PACRGL: variants seen among roughly 807,000 people sequenced by gnomAD.
The protein encoded by PACRGL is PACRG-like protein.
A neutral mutation model predicts 34.5 loss-of-function variants in PACRGL; 38 were observed. The observed-to-expected ratio is 1.10, with a 90% CI of 0.85 to 1.44. The LOEUF is 1.44. Ranked by LOEUF, PACRGL falls within the 40% of genes most tolerant of loss-of-function variation. The probability of loss-of-function intolerance (pLI) is 0.00; values close to 1 mark genes in which losing one functional copy is unlikely to be tolerated. For synonymous variants in PACRGL, 128 were observed against 100.1 expected, an observed-to-expected ratio of 1.28 and a Z score of -1.66; for missense variants, 305 against 281.4, an observed-to-expected ratio of 1.08 and a Z score of -0.60.
intron 7 of PACRGL, among the ~76,000 whole-genome samples, chr4:20,719,230 T>C (rs981079465): frequency 2.6e-5 from 4 of 152,198 alleles, no homozygotes; most frequent in African/African-American, 9.6e-5. Context: ...TTTACTTTAT[T>C]AGTCTTGCTA....
chr4:20,730,065 A>G lies in PACRGL; in HGVS notation c.*2724A>G, dbSNP rs12643980. 4,335 of 1,605,020 alleles carry G rather than the reference A, an allele frequency of 2.7e-3. 109 individuals are homozygous for G. The South Asian group carries it at 0.037, about 14-fold the overall frequency. On this transcript the variant is annotated 3_prime_UTR_variant, in exon 9 of 9. Coordinates refer to ENST00000503585, the MANE Select transcript of PACRGL (RefSeq NM_001258345.3). ...TAGTTCACATTTGTCTGTTGGATTC[A>G]GGATCTATTTGACAAGTTAAATCAC... is the stretch of plus-strand genomic sequence containing the variant.
At chr4:20,738,817 G>A (rs1750332408) in intron 8 of PACRGL, among the ~76,000 whole-genome samples, 1 of 152,168 alleles carries the variant, frequency 6.6e-6, no homozygotes, top group Non-Finnish European at 1.5e-5. Context: ...AGCGCAAGGG[G>A]TTGGGGAATT....
In PACRGL at chr4:20,731,816, G is replaced by A; in HGVS notation, c.*4475G>A. ...GTTTCCTCCATAGCCTGACTCAGTG[G>A]GCACTCTAAATGTTGATTATGTAAT... On this transcript the variant is annotated 3_prime_UTR_variant, in exon 9 of 9. Transcript: ENST00000503585. 2.0e-6 allele frequency: 2 copies of A among 985,296 alleles called. No homozygotes were observed. The highest frequency in any genetic ancestry group is 1.7e-5 in the African/African-American group (1 of 57,304). The allele number at this position is 985,296 out of a possible 1,614,324, so 61.0% of individuals were successfully genotyped here. A position where few individuals can be genotyped will look rare whatever the true frequency, so the allele number is the denominator to read the frequency against.
chr4:20,709,065 G>T (rs1280741758), intron 4 of PACRGL, among the ~76,000 whole-genome samples: 1 of 152,162 alleles, frequency 6.6e-6, no homozygotes, highest in East Asian at 1.9e-4. Flanking sequence ...CTTGAACCTG[G>T]GAGGCGGAGG....
chr4:20,754,584 A>T (rs1345586471), downstream of PACRGL, among the ~76,000 whole-genome samples: 1 of 152,248 alleles, frequency 6.6e-6, no homozygotes, highest in African/African-American at 2.4e-5. Context: ...AAAGCAAATC[A>T]TAATTCTTTA....
the PACRGL span, chr4:20,758,845 A>G: frequency 6.2e-7 from 1 of 1,613,350 alleles, no homozygotes. Flanking sequence ...AACTGCGAGT[A>G]AATCTCTTTG....
downstream of PACRGL, among the ~76,000 whole-genome samples, chr4:20,734,368 A>G (rs575149910): frequency 3.3e-5 from 5 of 152,298 alleles, no homozygotes; most frequent in East Asian, 9.7e-4. Flanking sequence ...TCCAACCATG[A>G]TCTTTATTCC....
chr4:20,755,515 C>T (rs925145391), downstream of PACRGL, among the ~76,000 whole-genome samples: 3 of 152,172 alleles, frequency 2.0e-5, no homozygotes, highest in Non-Finnish European at 4.4e-5. Flanking sequence ...TGTCCCATGA[C>T]CTGTGGATAC....
intron 7 of PACRGL, among the ~76,000 whole-genome samples, chr4:20,724,288 T>C (rs997884041): frequency 1.3e-5 from 2 of 152,164 alleles, no homozygotes; most frequent in African/African-American, 4.8e-5. Context: ...CTGAGGCTGA[T>C]GGCCCATGGA....
rs147501673 is a variant in PACRGL at position 20,739,208 on chromosome 4, C to A, written c.*56+11811C>A. Among the ~76,000 whole-genome samples the A allele has an allele frequency of 2.1e-4, 32 of 152,334 alleles. No individual in the cohort carries two copies. In the East Asian group the frequency reaches 5.6e-3, roughly 27 times the overall value. ...CAGAAACTTCTGCAGACTTAAACATCCCTGTCTGACAGCTTTGAAGAGAGT... is the reference window on the plus strand; with the variant it reads ...CAGAAACTTCTGCAGACTTAAACATACCTGTCTGACAGCTTTGAAGAGAGT... On this transcript the variant is annotated intron_variant, in intron 8 of 8. Coordinates refer to the PACRGL transcript ENST00000507634.
At chr4:20,712,976 G>T in intron 6 of PACRGL, 54 bp downstream of exon 6, 1 of 1,416,656 alleles carries the variant, frequency 7.1e-7, no homozygotes, top group Non-Finnish European at 9.4e-7. Flanking sequence ...AGAAAAGAAA[G>T]CTGTAATATA....
chr4:20,755,635 G>A (rs1377008770), downstream of PACRGL, among the ~76,000 whole-genome samples: 1 of 152,160 alleles, frequency 6.6e-6, no homozygotes, highest in East Asian at 1.9e-4. Context: ...ATTGTCTCGA[G>A]TGCCGAAAAG....
intron 1 of PACRGL, chr4:20,701,436 C>A (rs1732140813): frequency 6.3e-6 from 1 of 159,114 alleles, no homozygotes; most frequent in Non-Finnish European, 1.4e-5. Context: ...ATTCTAATAT[C>A]TATAATTAGA....
At chr4:20,732,888 T>G (rs1254370099), downstream of PACRGL, 1 of 694,398 alleles carries the variant, frequency 1.4e-6, no homozygotes, top group East Asian at 2.8e-5. Flanking sequence ...ATTTTTGACT[T>G]TTTGTTTGTT....
intron 4 of PACRGL, among the ~76,000 whole-genome samples, chr4:20,708,308 T>G (rs961774284): frequency 6.6e-6 from 1 of 152,042 alleles, no homozygotes; most frequent in African/African-American, 2.4e-5. Context: ...ATGTCAGAAC[T>G]TTAAAAAAAA....
chr4:20,713,285 C>A, intron 6 of PACRGL, 147 bp from the exon 7 acceptor site: 1 of 632,048 alleles, frequency 1.6e-6, no homozygotes, highest in Non-Finnish European at 2.7e-6. Context: ...TTTTAAAATT[C>A]TAGGTTTTGT....
chr4:20,758,963 CAG>C, the PACRGL span: 1 of 1,168,164 alleles, frequency 8.6e-7, no homozygotes. Context: ...CATTTTGAAA[CAG>C]AACTGTCTAC....
At chr4:20,721,817 C>T (rs1436020640) in intron 7 of PACRGL, among the ~76,000 whole-genome samples, 1 of 152,230 alleles carries the variant, frequency 6.6e-6, no homozygotes, top group Non-Finnish European at 1.5e-5. Flanking sequence ...AGATCTCAAA[C>T]TCCGTGCTGG....
downstream of PACRGL, among the ~76,000 whole-genome samples, chr4:20,733,942 C>A (rs1748974863): frequency 6.6e-6 from 1 of 152,088 alleles, no homozygotes; most frequent in Non-Finnish European, 1.5e-5. Context: ...GCCCTGGGCA[C>A]CTTTTGTCTG....
Sources: allele counts gnomAD v4.1 joint callset (sites outside exome capture counted in the v4.1 genomes callset), GRCh38; gene constraint gnomAD v4.1.1; transcripts MANE v1.5; gene names NCBI Gene and HGNC (gene_info 2026-07-23, HGNC 2026-07-21).